Variants in PRH1 observed in about 807,000 individuals in gnomAD.
PRH1 encodes salivary acidic proline-rich phosphoprotein 1/2.
Under a neutral mutation model 7.9 loss-of-function variants are expected in PRH1, and 7 were observed. The observed-to-expected ratio is 0.89, with a 90% CI of 0.50 to 1.67. PRH1 has a LOEUF of 1.67. PRH1 is among the 40% of genes most tolerant of loss of function. The probability of loss-of-function intolerance (pLI) is 0.00; values close to 1 mark genes in which losing one functional copy is unlikely to be tolerated. For synonymous variants in PRH1, 45 were observed against 80.8 expected (o/e 0.56, Z 2.38); for missense variants, 109 against 223.6 (o/e 0.49, Z 3.27).
chr12:10,946,250 A>C (rs1438138177), intron 2 of PRH1, among the ~76,000 whole-genome samples: 1 of 152,232 alleles, frequency 6.6e-6, no homozygotes, highest in Non-Finnish European at 1.5e-5. Flanking sequence ...CAGGCATAAG[A>C]AATTATAAAA....
intron 1 of PRH1, among the ~76,000 whole-genome samples, chr12:11,124,103 A>G (rs1451167354): frequency 6.6e-6 from 1 of 151,720 alleles, no homozygotes; most frequent in Non-Finnish European, 1.5e-5. Flanking sequence ...AATGAAGTTC[A>G]TATAAGTAGC....
At chr12:10,923,919 A>G (rs1032187287) in intron 2 of PRH1, among the ~76,000 whole-genome samples, 6 of 150,600 alleles carry the variant, frequency 4.0e-5, no homozygotes, top group Non-Finnish European at 5.9e-5. Flanking sequence ...TTTGCTAGTT[A>G]TCACTCTCTT....
chr12:10,964,840 C>A, intron 2 of PRH1: 1 of 546,216 alleles, frequency 1.8e-6, no homozygotes, highest in Non-Finnish European at 3.4e-6. Context: ...AAAGGTGCGT[C>A]GGATCACTCA....
At chr12:10,925,590 T>C (rs2135855890) in intron 2 of PRH1, among the ~76,000 whole-genome samples, 1 of 152,332 alleles carries the variant, frequency 6.6e-6, no homozygotes, top group South Asian at 2.1e-4. Flanking sequence ...TGAGTATCTT[T>C]ATATGAAGGC....
Position 11,102,619 on chromosome 12 carries a change from G to A in PRH1, n.124-55431C>T, listed in dbSNP as rs548367466. The stretch of plus-strand genomic sequence containing the variant: ...AGTAAACCTAGGCAATACCATTCAG[G>A]ACACAGGCATGGGCAAGGACTTCAT... On this transcript the variant is annotated intron_variant and non_coding_transcript_variant, in intron 1 of 4. Coordinates refer to the PRH1 transcript ENST00000541977. Among the ~76,000 whole-genome samples the A allele has an allele frequency of 2.0e-5, 3 of 152,256 alleles. No homozygotes were observed. The South Asian group carries it at 6.2e-4, about 32-fold the overall frequency.
chr12:11,059,967 C>T (rs1943517019), intron 1 of PRH1, among the ~76,000 whole-genome samples: 2 of 151,930 alleles, frequency 1.3e-5, no homozygotes, highest in Admixed American at 6.6e-5. Context: ...GATCATCTTG[C>T]TCTCTGATCT....
At chr12:10,938,151 T>G (rs998497171) in intron 2 of PRH1, 2 of 777,072 alleles carry the variant, frequency 2.6e-6, no homozygotes, top group Admixed American at 3.1e-5. Context: ...CAAGCATATC[T>G]TTGTAAAATT....
intron 2 of PRH1, among the ~76,000 whole-genome samples, chr12:10,959,544 TTAAGAAA>T (rs1285900879): frequency 1.3e-5 from 2 of 152,012 alleles, no homozygotes; most frequent in Non-Finnish European, 2.9e-5. Flanking sequence ...AGAAAAAAAC[TTAAGAAA>T]TAAGATACTA....
intron 1 of PRH1, among the ~76,000 whole-genome samples, chr12:11,046,127 T>G (rs1319521133): frequency 6.6e-6 from 1 of 152,174 alleles, no homozygotes; most frequent in Non-Finnish European, 1.5e-5. Context: ...ATTACTTTGA[T>G]TAGTGTAATT....
chr12:10,930,312 C>G, intron 2 of PRH1: 1 of 1,609,930 alleles, frequency 6.2e-7, no homozygotes, highest in East Asian at 2.2e-5. Flanking sequence ...CAGGTAAATC[C>G]CAATAAATTC....
intron 2 of PRH1, chr12:10,973,364 AT>A (rs1406289419): frequency 6.4e-5 from 17 of 264,048 alleles, no homozygotes; most frequent in South Asian, 1.7e-4. Flanking sequence ...TTCAGTTTTG[AT>A]AATATAATTG....
chr12:11,158,594 G>C (rs192315077), intron 1 of PRH1, among the ~76,000 whole-genome samples: 52 of 152,086 alleles, frequency 3.4e-4, no homozygotes, highest in African/African-American at 1.3e-3. Context: ...ACATTTCCTT[G>C]AATCAGACAT....
chr12:11,115,686 T>C (rs1945712122), intron 1 of PRH1, among the ~76,000 whole-genome samples: 1 of 152,116 alleles, frequency 6.6e-6, no homozygotes, highest in African/African-American at 2.4e-5. Context: ...ATTGAAATAT[T>C]ACCAAGCATC....
At chr12:11,002,056 T>C (rs1565539206) in intron 1 of PRH1, among the ~76,000 whole-genome samples, 1 of 152,168 alleles carries the variant, frequency 6.6e-6, no homozygotes, top group Non-Finnish European at 1.5e-5. Context: ...TTAAGCAATG[T>C]ATTTTAAACT....
At chr12:11,024,272 C>CA (rs1941801859) in intron 1 of PRH1, among the ~76,000 whole-genome samples, 1 of 151,970 alleles carries the variant, frequency 6.6e-6, no homozygotes, top group Admixed American at 6.6e-5. Flanking sequence ...AGAAATGAAC[C>CA]AAAACAAAAA....
At chr12:11,134,603 A>G (rs1946491813) in intron 1 of PRH1, 2 of 222,296 alleles carry the variant, frequency 9.0e-6, no homozygotes, top group African/African-American at 2.3e-5. Context: ...AGTGTTTGCA[A>G]TTTTTCCTTG....
intron 2 of PRH1, chr12:10,965,441 C>A (rs530875809): frequency 4.0e-6 from 2 of 494,912 alleles, no homozygotes; most frequent in East Asian, 5.8e-5. Flanking sequence ...TTTATGTGGA[C>A]CTGATTTCTG....
At chr12:11,152,562 C>T (rs1306060518) in intron 1 of PRH1, among the ~76,000 whole-genome samples, 1 of 151,726 alleles carries the variant, frequency 6.6e-6, no homozygotes, top group East Asian at 1.9e-4. Context: ...AACTATTCTC[C>T]ACTTTTATGT....
rs1297907451 is a variant in PRH1, at chr12:11,087,786, A to G, written n.124-40598T>C. ...ATGGATTACAGAATCAATGCAGACTACCATGAACTTAAATAAACACTCACA... is the reference window on the plus strand; with the variant it reads ...ATGGATTACAGAATCAATGCAGACTGCCATGAACTTAAATAAACACTCACA... On this transcript the variant is annotated intron_variant and non_coding_transcript_variant, in intron 1 of 4. Coordinates refer to the PRH1 transcript ENST00000541977. Among the ~76,000 whole-genome samples the G allele has an allele frequency of 2.7e-5, 3 of 113,072 alleles. 1 individual carries two copies. The Admixed American group carries it at 2.7e-4, about 10-fold the overall frequency. 74.2% of individuals were successfully genotyped at this position (113,072 alleles called of 152,430 possible).
Sources: gnomAD v4.1 joint callset for allele counts (sites outside exome capture counted in the v4.1 genomes callset) on GRCh38, gnomAD v4.1.1 for gene constraint, MANE v1.5 for transcripts, NCBI Gene and HGNC (gene_info 2026-07-23, HGNC 2026-07-21) for gene names.